SPNS3: variants seen among roughly 807,000 people sequenced by gnomAD.
SPNS3 encodes SPNS lysolipid transporter 3, sphingosine-1-phosphate (putative).
SPNS3 carries 51 observed loss-of-function variants against 54.4 expected under a neutral mutation model. The observed-to-expected ratio is 0.94, with a 90% CI of 0.75 to 1.18. SPNS3 has a LOEUF of 1.18. Ranked by LOEUF, SPNS3 falls within the 50% of genes most tolerant of loss-of-function variation. The pLI, the probability that SPNS3 is intolerant of heterozygous loss-of-function variation, is 0.00. For synonymous variants in SPNS3, 309 were observed against 294.7 expected (o/e 1.05, Z -0.50); for missense variants, 669 against 677.4 (o/e 0.99, Z 0.14).
chr17:4,465,683 C>A (rs544880406), intron 8 of SPNS3, among the ~76,000 whole-genome samples: 1 of 152,178 alleles, frequency 6.6e-6, no homozygotes, highest in South Asian at 2.1e-4. Context: ...GGTGGGATCG[C>A]CACCAATGTG....
Position 4,486,519 on chromosome 17 carries a change from C to T in SPNS3, c.1386C>T (p.Gly462=), listed in dbSNP as rs1287014669. 2 of 1,613,652 alleles carry T rather than the reference C, an allele frequency of 1.2e-6. No individual in the cohort carries two copies. The highest frequency in any genetic ancestry group is 2.2e-5 in the South Asian group (2 of 91,080). ...CCAFVIALGG[G]CFLLTALYLE... ...CCTTTGTCATCGCCCTGGGGGGCGG[C>T]TGCTTCCTGCTGACTGCGCTGTACC... Residue 462 remains glycine (G), a synonymous_variant, in exon 11 of 12, where the codon GGC becomes GGT. Coordinates refer to ENST00000355530, the MANE Select transcript of SPNS3 (RefSeq NM_182538.5). This position sits in a 1 kb window ranked among gnomAD's most constrained non-coding sequence, Gnocchi z 5.5.
intron 6 of SPNS3, among the ~76,000 whole-genome samples, chr17:4,448,891 G>A (rs1971077115): frequency 6.6e-6 from 1 of 152,178 alleles, no homozygotes; most frequent in African/African-American, 2.4e-5. Context: ...TGTGATGCTG[G>A]ATGGGGGCCT....
chr17:4,466,024 C>A (rs75784051), intron 8 of SPNS3, among the ~76,000 whole-genome samples: 8,717 of 152,300 alleles, frequency 0.057, 316 homozygotes, highest in Middle Eastern at 0.12. Context: ...TGCTTGGCCT[C>A]ATGGGCTGAG....
At chr17:4,470,382 C>G (rs1032033746) in intron 8 of SPNS3, among the ~76,000 whole-genome samples, 1 of 152,150 alleles carries the variant, frequency 6.6e-6, no homozygotes, top group African/African-American at 2.4e-5. Context: ...GAGCCGAGAT[C>G]ACGCCACTGC....
In SPNS3 at chr17:4,438,445, C is replaced by A. The variant is rs1028347646; in HGVS notation, c.200-1213C>A. On this transcript the variant is annotated intron_variant, in intron 1 of 11. Transcript: ENST00000355530. ...ACTGATGAAAGTGAGGATTGTTCTT[C>A]TTCATAATAATGACAGGGCCAGAGC... Among the ~76,000 whole-genome samples the A allele has an allele frequency of 2.0e-5, 3 of 152,346 alleles. No individual in the cohort carries two copies. The South Asian group carries it at 6.2e-4, about 32-fold the overall frequency.
chr17:4,479,542 G>T (rs1241281309), intron 9 of SPNS3, among the ~76,000 whole-genome samples: 6 of 152,234 alleles, frequency 3.9e-5, no homozygotes, highest in Non-Finnish European at 7.3e-5. Context: ...GAAGGACTTT[G>T]AACACATGAA....
At chr17:4,478,674 G>A in intron 9 of SPNS3, 37 bp downstream of exon 9, 1 of 1,564,658 alleles carries the variant, frequency 6.4e-7, no homozygotes, top group Non-Finnish European at 8.7e-7. Context: ...CTGAGCAGGG[G>A]GAGCTGGAGA....
rs780326210 is a variant in SPNS3, at chr17:4,445,160, T to G, written c.394T>G (p.Ser132Ala). ...AGCTGGCCTCTCTAGCTCCTTCATCTCCCCCCGGGTACGTGTCCATGCCCC... is the reference window on the plus strand; with the variant it reads ...AGCTGGCCTCTCTAGCTCCTTCATCGCCCCCCGGGTACGTGTCCATGCCCC... ...SGAGLSSSFI[S>A]PRYSWLFFLS... The change falls in exon 3 of 12, where the codon TCC becomes GCC. Residue 132 changes from serine (S) to alanine (A), a missense_variant. Physicochemically the swap from Ser to Ala is moderately conservative, Grantham distance 99. Coordinates refer to ENST00000355530, the MANE Select transcript of SPNS3 (RefSeq NM_182538.5). 6.2e-7 allele frequency: 1 copy of G among 1,611,662 alleles called. No individual in the cohort carries two copies. Among genetic ancestry groups the G allele is most frequent in the Non-Finnish European group, 8.5e-7 (1 of 1,178,466 alleles).
intron 8 of SPNS3, among the ~76,000 whole-genome samples, chr17:4,468,974 A>G (rs1213390335): frequency 3.3e-5 from 5 of 151,516 alleles, no homozygotes; most frequent in African/African-American, 9.7e-5. Context: ...TTTGGTAGAG[A>G]CGGGGGTTTC....
At position 4,449,320 on chromosome 17, in the gene SPNS3, C is replaced by T. The variant is rs1436581413; in HGVS notation, c.856C>T (p.Leu286Phe). Residue 286 changes from leucine to phenylalanine, a missense_variant, in exon 7 of 12, where the codon CTC becomes TTC. Physicochemically the swap from Leu to Phe is conservative, Grantham distance 22. Coordinates refer to ENST00000355530, the MANE Select transcript of SPNS3 (RefSeq NM_182538.5). ...GGGGTTCTGGGCCCCCAAGTTTCTG[C>T]TCGAGGCACGCGTGGTTCACGGGCT... ...ALGFWAPKFL[L>F]EARVVHGLQP... 9 of 1,612,056 alleles carry T rather than the reference C, an allele frequency of 5.6e-6. 1 individual carries two copies. In the Admixed American group the frequency reaches 1.2e-4, roughly 21 times the overall value.
At chr17:4,435,863 C>T (rs973442542) in intron 1 of SPNS3, among the ~76,000 whole-genome samples, 4 of 152,124 alleles carry the variant, frequency 2.6e-5, no homozygotes, top group Non-Finnish European at 4.4e-5. Flanking sequence ...ACCCGGGAGG[C>T]GGAGGTTGCG....
At chr17:4,484,640 C>T (rs1047706221) in intron 9 of SPNS3, among the ~76,000 whole-genome samples, 11 of 152,178 alleles carry the variant, frequency 7.2e-5, no homozygotes, top group Middle Eastern at 3.4e-3. Flanking sequence ...TAACTCAAGG[C>T]CTCAGATCAT....
At chr17:4,485,523 G>A (rs1290821551) in intron 9 of SPNS3, among the ~76,000 whole-genome samples, 8 of 151,658 alleles carry the variant, frequency 5.3e-5, no homozygotes, top group Non-Finnish European at 1.0e-4. Flanking sequence ...TCAACCTCCC[G>A]AGTAGCTGGG....
intron 8 of SPNS3, among the ~76,000 whole-genome samples, chr17:4,475,883 C>T (rs1462304369): frequency 6.6e-6 from 1 of 152,198 alleles, no homozygotes; most frequent in Non-Finnish European, 1.5e-5. Context: ...CGCTAGGACC[C>T]AGCATGCACT....
chr17:4,486,388 A>G lies in SPNS3; in HGVS notation c.1279-24A>G, dbSNP rs759786900. 6.3e-7 allele frequency: 1 copy of G among 1,596,156 alleles called. No homozygotes were observed. The highest frequency in any genetic ancestry group is 8.5e-7 in the Non-Finnish European group (1 of 1,169,772). ...TGGGGGCCAGGCTGGTGGGCCTGGC[A>G]GACTCATCCCTTCTCCTCCGCAGAT... is the stretch of plus-strand genomic sequence containing the variant. On this transcript the variant is annotated intron_variant, in intron 10 of 11. Coordinates refer to ENST00000355530, the MANE Select transcript of SPNS3 (RefSeq NM_182538.5). This position sits in a 1 kb window ranked among gnomAD's most constrained non-coding sequence, Gnocchi z 5.5.
At chr17:4,455,497 T>A (rs1597318870) in intron 8 of SPNS3, among the ~76,000 whole-genome samples, 1 of 152,330 alleles carries the variant, frequency 6.6e-6, no homozygotes, top group East Asian at 1.9e-4. Context: ...TTGGGGTCTC[T>A]GGCCCTGGTT....
intron 6 of SPNS3, 48 bp downstream of exon 6, chr17:4,448,351 C>T: frequency 1.4e-6 from 2 of 1,451,070 alleles, no homozygotes; most frequent in Admixed American, 2.7e-5. Context: ...GCCCGTTTGT[C>T]TGCCCCAGCA....
At chr17:4,481,929 G>GC (rs1371711705) in intron 9 of SPNS3, 3 of 148,394 alleles carry the variant, frequency 2.0e-5, no homozygotes, top group Admixed American at 6.8e-5. Context: ...TCGCACTGTC[G>GC]CCAGGCTGGA....
intron 8 of SPNS3, among the ~76,000 whole-genome samples, chr17:4,454,025 C>T (rs1371598646): frequency 6.6e-6 from 1 of 152,230 alleles, no homozygotes; most frequent in Non-Finnish European, 1.5e-5. Flanking sequence ...AACACCAGTT[C>T]CTCTTTTGTG....
Sources: gnomAD v4.1 joint callset for allele counts (sites outside exome capture counted in the v4.1 genomes callset) on GRCh38, gnomAD v4.1.1 for gene constraint, Gnocchi (gnomAD v3.1) non-coding constraint, MANE v1.5 for transcripts, NCBI Gene and HGNC (gene_info 2026-07-23, HGNC 2026-07-21) for gene names.